The following NCAM2 variants were observed in gnomAD, a reference collection of about 807,000 sequenced individuals.
NCAM2 encodes neural cell adhesion molecule 2.
Under a neutral mutation model 98.1 loss-of-function variants are expected in NCAM2, and 30 were observed. The observed-to-expected ratio is 0.31, with a 90% CI of 0.23 to 0.41. NCAM2 has a LOEUF of 0.41. Among genes scored for constraint, NCAM2 ranks in the 10% least tolerant of loss-of-function variants. The pLI, the probability that NCAM2 is intolerant of heterozygous loss-of-function variation, is 1.00. For missense variants in NCAM2, 867 were observed against 1,005.8 expected (o/e 0.86, Z 1.87); for synonymous variants, 368 against 342.4 (o/e 1.07, Z -0.83).
At chr21:20,999,752 G>T (rs1431989992) in intron 1 of NCAM2, among the ~76,000 whole-genome samples, 1 of 152,120 alleles carries the variant, frequency 6.6e-6, no homozygotes, top group African/African-American at 2.4e-5. Flanking sequence ...TGTATTGCTC[G>T]TTTGGTCCAG....
intron 7 of NCAM2, among the ~76,000 whole-genome samples, chr21:21,336,646 C>T (rs1001219125): frequency 2.6e-5 from 4 of 152,094 alleles, no homozygotes; most frequent in Non-Finnish European, 4.4e-5. Context: ...GTAATCCCTG[C>T]GTGGACACGC....
At chr21:21,018,868 C>T (rs1299660950) in intron 1 of NCAM2, among the ~76,000 whole-genome samples, 1 of 152,128 alleles carries the variant, frequency 6.6e-6, no homozygotes, top group Non-Finnish European at 1.5e-5. Flanking sequence ...TTTTCTATAA[C>T]TAGCATTGAA....
intron 1 of NCAM2, among the ~76,000 whole-genome samples, chr21:21,265,119 CAT>C: frequency 2.4e-5 from 1 of 42,158 alleles, no homozygotes; most frequent in African/African-American, 7.7e-5. Context: ...TATATACATA[CAT>C]ATATTATATA....
At chr21:21,075,537 T>A (rs1026037755) in intron 1 of NCAM2, among the ~76,000 whole-genome samples, 1 of 152,182 alleles carries the variant, frequency 6.6e-6, no homozygotes, top group Admixed American at 6.5e-5. Flanking sequence ...GCCGTGTTCT[T>A]CATCCTAGGA....
At chr21:21,052,018 A>C (rs1319727086) in intron 1 of NCAM2, among the ~76,000 whole-genome samples, 2 of 152,126 alleles carry the variant, frequency 1.3e-5, no homozygotes, top group African/African-American at 2.4e-5. Context: ...ATTTTTTTTA[A>C]CAAAGGTAAA....
intron 1 of NCAM2, among the ~76,000 whole-genome samples, chr21:21,005,836 T>C (rs1009205521): frequency 2.6e-5 from 4 of 151,354 alleles, no homozygotes; most frequent in Non-Finnish European, 5.9e-5. Context: ...AAAACTGACA[T>C]GAAAAAAGAT....
intron 14 of NCAM2, among the ~76,000 whole-genome samples, chr21:21,475,811 CAA>C (rs1400795741): frequency 2.6e-5 from 4 of 152,036 alleles, no homozygotes; most frequent in African/African-American, 9.7e-5. Flanking sequence ...CACGAAATAG[CAA>C]AACAGGCCAA....
chr21:21,195,391 A>C (rs1019507537), intron 1 of NCAM2, among the ~76,000 whole-genome samples: 1 of 152,218 alleles, frequency 6.6e-6, no homozygotes, highest in Admixed American at 6.5e-5. Flanking sequence ...CCTAAACAGA[A>C]GTACATGCAT....
chr21:21,331,518 T>TATAC (rs1555874248), intron 6 of NCAM2, among the ~76,000 whole-genome samples: 1 of 7,590 alleles, frequency 1.3e-4, no homozygotes, highest in Non-Finnish European at 2.4e-4. Context: ...TCTCTCTCTC[T>TATAC]ATATATATAT....
chr21:21,410,772 G>C (rs1357670224), intron 10 of NCAM2, among the ~76,000 whole-genome samples: 1 of 151,168 alleles, frequency 6.6e-6, no homozygotes, highest in Non-Finnish European at 1.5e-5. Context: ...ACTTTGGGAG[G>C]CTGAGGAGGG....
chr21:21,479,120 T>C (rs888674000), intron 15 of NCAM2, among the ~76,000 whole-genome samples: 1 of 152,076 alleles, frequency 6.6e-6, no homozygotes, highest in African/African-American at 2.4e-5. Flanking sequence ...TTAGTGTATA[T>C]ATTTTGAAAC....
At chr21:21,376,969 A>T (rs575554725) in intron 9 of NCAM2, among the ~76,000 whole-genome samples, 1 of 151,764 alleles carries the variant, frequency 6.6e-6, no homozygotes, top group African/African-American at 2.4e-5. Flanking sequence ...ATTGAAAAAA[A>T]TTTTCTTACT....
chr21:21,311,174 A>G (rs1032695156), intron 5 of NCAM2, among the ~76,000 whole-genome samples: 3 of 152,098 alleles, frequency 2.0e-5, no homozygotes, highest in African/African-American at 7.2e-5. Context: ...TTTTAAAAGA[A>G]TTTTACTTTT....
intron 5 of NCAM2, among the ~76,000 whole-genome samples, chr21:21,306,059 A>G (rs1034646314): frequency 6.6e-6 from 1 of 152,154 alleles, no homozygotes; most frequent in Admixed American, 6.6e-5. Flanking sequence ...TTCCAGAGAT[A>G]GTTCTGTCAT....
At position 21,286,188 on chromosome 21, in the gene NCAM2, C is replaced by A; in HGVS notation, c.338-81C>A. On this transcript the variant is annotated intron_variant, in intron 3 of 17. Transcript: ENST00000400546. Reference sequence around the variant, plus strand: ...TATTTTATTATAGTATCAATAGAGTCTGGATTATGTTATTGGGAGAAATAA... The same window carrying A: ...TATTTTATTATAGTATCAATAGAGTATGGATTATGTTATTGGGAGAAATAA... The A allele has an allele frequency of 2.9e-6, 4 of 1,402,354 alleles. No individual in the cohort carries two copies. The South Asian group carries it at 4.1e-5, about 14-fold the overall frequency. 86.9% of individuals were successfully genotyped at this position (1,402,354 alleles called of 1,614,324 possible).
At chr21:21,487,336 AGC>A (rs1986472235) in intron 15 of NCAM2, among the ~76,000 whole-genome samples, 2 of 152,128 alleles carry the variant, frequency 1.3e-5, no homozygotes, top group Non-Finnish European at 2.9e-5. Flanking sequence ...ATTACTGGTA[AGC>A]AAGACATAAA....
intron 8 of NCAM2, among the ~76,000 whole-genome samples, chr21:21,347,816 T>TA (rs2075228911): frequency 6.6e-6 from 1 of 151,690 alleles, no homozygotes; most frequent in Non-Finnish European, 1.5e-5. Context: ...GGTCAACATA[T>TA]AAAATCAATG....
chr21:21,162,730 A>G (rs1044282772), intron 1 of NCAM2, among the ~76,000 whole-genome samples: 2 of 152,144 alleles, frequency 1.3e-5, no homozygotes, highest in South Asian at 2.1e-4. Flanking sequence ...GATGATTGGC[A>G]TGTATCATGG....
intron 8 of NCAM2, among the ~76,000 whole-genome samples, chr21:21,373,040 T>C (rs942681859): frequency 6.6e-6 from 1 of 151,834 alleles, no homozygotes; most frequent in East Asian, 1.9e-4. Flanking sequence ...TAAAGTTAAT[T>C]AAGTACAAGT....
Sources: gnomAD v4.1 joint callset for allele counts (sites outside exome capture counted in the v4.1 genomes callset) on GRCh38, gnomAD v4.1.1 for gene constraint, MANE v1.5 for transcripts, NCBI Gene and HGNC (gene_info 2026-07-23, HGNC 2026-07-21) for gene names.